DNAH8: variants seen among roughly 807,000 people sequenced by gnomAD.
The protein encoded by DNAH8 is axonemal beta dynein heavy chain 8.
A neutral mutation model predicts 562.1 loss-of-function variants in DNAH8; 382 were observed. That is an observed-to-expected ratio of 0.68 (90% CI 0.63 to 0.74). The LOEUF (loss-of-function observed/expected upper bound fraction) is 0.74. Among genes scored for constraint, DNAH8 ranks in the 30% least tolerant of loss-of-function variants. The probability of loss-of-function intolerance (pLI) is 0.00; values close to 1 mark genes in which losing one functional copy is unlikely to be tolerated. For missense variants in DNAH8, 5,203 were observed against 5,620.4 expected (o/e 0.93, Z 2.37); for synonymous variants, 1,881 against 1,919.4 (o/e 0.98, Z 0.52).
At chr6:38,828,318 T>C in intron 30 of DNAH8, 30 bp downstream of exon 30, 1 of 1,358,688 alleles carries the variant, frequency 7.4e-7, no homozygotes, top group Non-Finnish European at 1.0e-6. Context: ...CATTATTTTT[T>C]CTTAAGTCAC....
Position 38,973,722 on chromosome 6 carries a change from A to T in DNAH8, c.12587A>T (p.Glu4196Val), listed in dbSNP as rs1763489733. 1.2e-6 allele frequency: 2 copies of T among 1,610,458 alleles called. No individual in the cohort carries two copies. The highest frequency in any genetic ancestry group is 1.7e-6 in the Non-Finnish European group (2 of 1,178,642). ...CTGGAATTCATGGAAGAATTACTAGAGACGCTAATTACCACTGAAGCCAGT... is the reference window on the plus strand; with the variant it reads ...CTGGAATTCATGGAAGAATTACTAGTGACGCTAATTACCACTGAAGCCAGT... ...LGLEFMEELL[E>V]TLITTEASDD... The change falls in exon 84 of 93, where the codon GAG becomes GTG. Residue 4196 changes from glutamate to valine, a missense_variant. Around this residue, in one of 6 missense-constraint regions of DNAH8, gnomAD observed 1,399 missense variants for 1,518.4 expected, o/e 0.92. Coordinates refer to ENST00000327475, the MANE Select transcript of DNAH8 (RefSeq NM_001206927.2).
intron 25 of DNAH8, among the ~76,000 whole-genome samples, chr6:38,815,147 GC>G (rs1772128761): frequency 6.6e-6 from 1 of 152,172 alleles, no homozygotes; most frequent in African/African-American, 2.4e-5. Context: ...ACTGCATTCT[GC>G]CACCCTCATG....
intron 1 of DNAH8, among the ~76,000 whole-genome samples, chr6:38,722,138 G>A (rs1380601823): frequency 6.6e-6 from 1 of 152,150 alleles, no homozygotes; most frequent in East Asian, 1.9e-4. Context: ...CTAGATTTAT[G>A]CTCTCTATAG....
At chr6:38,835,846 T>C (rs899918479) in intron 32 of DNAH8, among the ~76,000 whole-genome samples, 1 of 152,174 alleles carries the variant, frequency 6.6e-6, no homozygotes, top group Admixed American at 6.5e-5. Flanking sequence ...CAGGGAGTGA[T>C]ATGATCATAC....
chr6:38,761,705 ACAAAT>A lies in DNAH8; in HGVS notation c.1525_1529del (p.Gln509GlyfsTer5). The A allele has an allele frequency of 1.3e-6, 2 of 1,500,438 alleles. No individual in the cohort carries two copies. The highest frequency in any genetic ancestry group is 1.8e-6 in the Non-Finnish European group (2 of 1,118,916). 92.9% of individuals were successfully genotyped at this position (1,500,438 alleles called of 1,614,324 possible). ...TTTGTACCTATATTTATTTCAGGTA[ACAAAT>A]CAAATGGTAACAGCATGTAAAGCAT... On this transcript the variant is annotated frameshift_variant, in exon 11 of 93. Coordinates refer to ENST00000327475, the MANE Select transcript of DNAH8 (RefSeq NM_001206927.2). LOFTEE classifies it high-confidence loss of function.
intron 11 of DNAH8, among the ~76,000 whole-genome samples, chr6:38,765,023 C>A (rs1582942208): frequency 6.6e-6 from 1 of 151,958 alleles, no homozygotes; most frequent in Non-Finnish European, 1.5e-5. Flanking sequence ...TCAGTAGAGA[C>A]AAGGGTTTCA....
chr6:39,025,766 T>C (rs1257043026), intron 91 of DNAH8, among the ~76,000 whole-genome samples: 1 of 152,250 alleles, frequency 6.6e-6, no homozygotes, highest in Non-Finnish European at 1.5e-5. Context: ...GAGAGCTTTA[T>C]GATTTTTAAT....
chr6:38,863,465 C>T (rs1189971626), intron 44 of DNAH8, among the ~76,000 whole-genome samples: 1 of 151,582 alleles, frequency 6.6e-6, no homozygotes, highest in Admixed American at 6.6e-5. Context: ...AAACAAAAAA[C>T]CCCAAAACTC....
chr6:38,959,757 G>GA (rs1762486397), intron 82 of DNAH8, among the ~76,000 whole-genome samples: 1 of 151,644 alleles, frequency 6.6e-6, no homozygotes, highest in Admixed American at 6.6e-5. Flanking sequence ...TTTATGGATA[G>GA]AAAAAAATTC....
chr6:38,724,372 A>G (rs1435110386), intron 3 of DNAH8, among the ~76,000 whole-genome samples: 1 of 152,154 alleles, frequency 6.6e-6, no homozygotes, highest in East Asian at 1.9e-4. Flanking sequence ...CTAATTCAGA[A>G]TGATGTCAGA....
At chr6:38,750,770 TA>T (rs375508516) in intron 9 of DNAH8, among the ~76,000 whole-genome samples, 181 bp downstream of exon 9, 10 of 150,970 alleles carry the variant, frequency 6.6e-5, no homozygotes, top group East Asian at 1.9e-4. Flanking sequence ...CCCATCTATA[TA>T]AAAAAAAATA....
intron 76 of DNAH8, among the ~76,000 whole-genome samples, chr6:38,935,040 C>A (rs115818013): frequency 0.016 from 2,382 of 152,230 alleles, 67 homozygotes; most frequent in African/African-American, 0.054. Flanking sequence ...TGTAAACATT[C>A]AAGTTTGCCC....
At position 38,982,342 on chromosome 6, in the gene DNAH8, T is replaced by C. The variant is rs374498561; in HGVS notation, c.12835-4T>C. 71 of 1,483,950 alleles carry C rather than the reference T, an allele frequency of 4.8e-5. No individual in the cohort carries two copies. In the African/African-American group the frequency reaches 5.7e-4, roughly 12 times the overall value. 91.9% of individuals were successfully genotyped at this position (1,483,950 alleles called of 1,614,324 possible). A position where few individuals can be genotyped will look rare whatever the true frequency, so the allele number is the denominator to read the frequency against. ...AATACTTACTTTTCTTTGGTGTTTT[T>C]AAGGAGCGACGAAAATTTGGCCCCT... On this transcript the variant is annotated splice_polypyrimidine_tract_variant and splice_region_variant and intron_variant, in intron 85 of 92. Coordinates refer to ENST00000327475, the MANE Select transcript of DNAH8 (RefSeq NM_001206927.2).
At chr6:38,908,894 G>A (rs182851578) in intron 64 of DNAH8, among the ~76,000 whole-genome samples, 2 of 152,208 alleles carry the variant, frequency 1.3e-5, no homozygotes, top group South Asian at 2.1e-4. Flanking sequence ...GTGGCTAATA[G>A]CTACCACACT....
chr6:38,770,616 G>T (rs1767475660), intron 12 of DNAH8, 57 bp downstream of exon 12: 4 of 1,453,438 alleles, frequency 2.8e-6, no homozygotes, highest in Non-Finnish European at 3.7e-6. Flanking sequence ...TGGTGATTTT[G>T]TACTTTATGT....
chr6:38,923,847 C>A (rs763627719), intron 72 of DNAH8, 144 bp from the exon 73 acceptor site: 3 of 918,770 alleles, frequency 3.3e-6, no homozygotes, highest in Non-Finnish European at 4.9e-6. Flanking sequence ...CCACTTTGCA[C>A]GGTCTTTTTC....
chr6:38,752,309 G>T, intron 9 of DNAH8, among the ~76,000 whole-genome samples: 1 of 151,256 alleles, frequency 6.6e-6, no homozygotes, highest in East Asian at 1.9e-4. Context: ...GATTACAGGT[G>T]CATGCCACCA....
At chr6:38,941,757 G>A (rs1055510139) in intron 79 of DNAH8, among the ~76,000 whole-genome samples, 4 of 152,136 alleles carry the variant, frequency 2.6e-5, no homozygotes, top group African/African-American at 7.2e-5. Context: ...TGCTGAGCAG[G>A]GGGGTAGGGG....
intron 8 of DNAH8, among the ~76,000 whole-genome samples, chr6:38,745,742 T>C (rs1764874500): frequency 6.6e-6 from 1 of 152,232 alleles, no homozygotes; most frequent in African/African-American, 2.4e-5. Context: ...TCTGTAGTTA[T>C]ACTTCATGAG....
Sources: gnomAD v4.1 joint callset for allele counts (sites outside exome capture counted in the v4.1 genomes callset) on GRCh38, gnomAD v4.1.1 for gene constraint, gnomAD v4.1.1 regional missense constraint, MANE v1.5 for transcripts, NCBI Gene and HGNC (gene_info 2026-07-23, HGNC 2026-07-21) for gene names.